The following DYNC2I2 variants were observed in gnomAD, a reference collection of about 807,000 sequenced individuals.
The protein encoded by DYNC2I2 is dynein 2 intermediate chain 2, also known as cytoplasmic dynein 2 intermediate chain 2.
DYNC2I2 carries 39 observed loss-of-function variants against 52.0 expected under a neutral mutation model. That is an observed-to-expected ratio of 0.75 (90% CI 0.58 to 0.98). The LOEUF (loss-of-function observed/expected upper bound fraction) is 0.98, where lower values mean the gene tolerates loss of function less well. Ranked by LOEUF, DYNC2I2 falls within the 50% of genes least tolerant of loss-of-function variation. The pLI is 0.00. For missense variants in DYNC2I2, 743 were observed against 728.4 expected (o/e 1.02, Z -0.23); for synonymous variants, 359 against 321.1 (o/e 1.12, Z -1.26).
chr9:128,635,111 C>A lies in DYNC2I2; in HGVS notation c.962G>T (p.Arg321Leu). Reference sequence around the variant, plus strand: ...ACGTACCTTCTTGAGCTTGGTGCTCCGTGGCAGCTGCTGCATGACCAGGGC... The same window carrying A: ...ACGTACCTTCTTGAGCTTGGTGCTCAGTGGCAGCTGCTGCATGACCAGGGC... ...GFALVMQQLPRSTKLKKHPRG... is the reference protein window; with the variant it reads ...GFALVMQQLPLSTKLKKHPRG... Residue 321 changes from arginine to leucine, a missense_variant, in exon 6 of 9, where the codon CGG becomes CTG. By Grantham distance (102) the Arg-to-Leu change is moderately radical. Transcript: ENST00000372715. 6.2e-7 allele frequency: 1 copy of A among 1,612,230 alleles called. No individual in the cohort carries two copies. The highest frequency in any genetic ancestry group is 8.5e-7 in the Non-Finnish European group (1 of 1,179,228).
intron 1 of DYNC2I2, among the ~76,000 whole-genome samples, chr9:128,642,000 C>A (rs1273746157): frequency 6.6e-6 from 1 of 151,930 alleles, no homozygotes; most frequent in Non-Finnish European, 1.5e-5. Context: ...CACACACACA[C>A]ACAAATGCCG....
chr9:128,683,996 C>A, the DYNC2I2 span: 1 of 1,551,704 alleles, frequency 6.4e-7, no homozygotes, highest in Non-Finnish European at 8.7e-7. Flanking sequence ...GCAGGCTTGC[C>A]GAAGAAGGGA....
chr9:128,645,669 G>T (rs1860603741), intron 1 of DYNC2I2, among the ~76,000 whole-genome samples: 1 of 150,706 alleles, frequency 6.6e-6, no homozygotes, highest in Non-Finnish European at 1.5e-5. Context: ...ATCCCTACAG[G>T]GGCCTCTAAA....
Position 128,640,753 on chromosome 9 carries a change from T to C in DYNC2I2, c.373A>G (p.Lys125Glu). Residue 125 changes from lysine to glutamate, a missense_variant, in exon 2 of 9, where the codon AAG (lysine) becomes GAG (glutamate). Lys to Glu is a moderately conservative substitution (Grantham distance 56, BLOSUM62 1). Transcript: ENST00000372715. ...TCAAACGCGTGGCTCTGCCAATTCT[T>C]GTTCAGCTCTCGGATGACCATGGCC... ...VEAMVIRELN[K>E]NWQSHAFDGF... 1 of 1,614,180 alleles carries C rather than the reference T, an allele frequency of 6.2e-7. No homozygotes were observed. The highest frequency in any genetic ancestry group is 8.5e-7 in the Non-Finnish European group (1 of 1,180,028).
the DYNC2I2 span, chr9:128,683,280 T>TTC: frequency 9.1e-4 from 17 of 18,638 alleles, no homozygotes; most frequent in Admixed American, 7.3e-3. Flanking sequence ...TTCTTTCTTC[T>TTC]TTTTTTTTTT....
intron 1 of DYNC2I2, among the ~76,000 whole-genome samples, chr9:128,655,402 T>C (rs1028012270): frequency 1.2e-4 from 15 of 127,932 alleles, no homozygotes; most frequent in Non-Finnish European, 2.2e-4. Context: ...TCCCAGCTAC[T>C]AGGGAGGCTG....
chr9:128,658,340 A>G (rs1252514749), upstream of DYNC2I2, among the ~76,000 whole-genome samples: 6 of 149,458 alleles, frequency 4.0e-5, no homozygotes, highest in Admixed American at 3.3e-4. Context: ...TAATTTTTGT[A>G]TTTTTAGTAG....
intron 1 of DYNC2I2, chr9:128,650,862 A>G (rs2132176289): frequency 1.7e-5 from 1 of 58,282 alleles, no homozygotes; most frequent in East Asian, 2.8e-4. Context: ...AAGAACAAAA[A>G]GTTAACTCAA....
chr9:128,637,599 A>C (rs1053634335), intron 2 of DYNC2I2, among the ~76,000 whole-genome samples: 1 of 152,022 alleles, frequency 6.6e-6, no homozygotes, highest in Non-Finnish European at 1.5e-5. Context: ...CGTGCCACCA[A>C]ACCTGGATAA....
the DYNC2I2 span, among the ~76,000 whole-genome samples, chr9:128,668,161 A>G: frequency 1.9e-3 from 287 of 151,710 alleles, 3 homozygotes; most frequent in South Asian, 0.015. Flanking sequence ...GGGTTTCATC[A>G]TGTTGGCCAG....
the DYNC2I2 span, among the ~76,000 whole-genome samples, chr9:128,670,763 AAAAAGAG>A: frequency 1.3e-5 from 2 of 150,790 alleles, no homozygotes; most frequent in Non-Finnish European, 2.9e-5. Flanking sequence ...AAAAAAAAAA[AAAAAGAG>A]AGAGAGAAAC....
At chr9:128,634,173 G>A (rs1860299955) in intron 8 of DYNC2I2, 53 bp downstream of exon 8, 2 of 1,605,516 alleles carry the variant, frequency 1.2e-6, no homozygotes, top group African/African-American at 2.7e-5. Context: ...GTACAAGCAG[G>A]GCCCAGACCA....
chr9:128,670,990 C>G, the DYNC2I2 span, among the ~76,000 whole-genome samples: 1 of 151,572 alleles, frequency 6.6e-6, no homozygotes, highest in Admixed American at 6.6e-5. Flanking sequence ...TCGCTTGAAC[C>G]TGGGAGGCAG....
chr9:128,634,733 G>C lies in DYNC2I2; in HGVS notation c.1170C>G (p.Pro390=), dbSNP rs1173916496. ...TCACAGAGTAGATGGGACCGCCGTGGGGGGAGAAGGTAAACTGTGCTGGGG... is the reference window on the plus strand; with the variant it reads ...TCACAGAGTAGATGGGACCGCCGTGCGGGGAGAAGGTAAACTGTGCTGGGG... ...LRAPAQFTFS[P]HGGPIYSVSC... The change falls in exon 7 of 9, where the codon CCC becomes CCG. Residue 390 remains proline, a synonymous_variant. Transcript: ENST00000372715. 6.3e-7 allele frequency: 1 copy of C among 1,596,834 alleles called. No individual in the cohort carries two copies. Among genetic ancestry groups the C allele is most frequent in the Non-Finnish European group, 8.5e-7 (1 of 1,172,394 alleles).
chr9:128,641,218 C>T (rs1178416860), intron 1 of DYNC2I2, among the ~76,000 whole-genome samples: 2 of 152,082 alleles, frequency 1.3e-5, no homozygotes, highest in Non-Finnish European at 2.9e-5. Context: ...AGACCCTGCC[C>T]CAAGACTTTT....
the DYNC2I2 span, among the ~76,000 whole-genome samples, chr9:128,672,379 A>T: frequency 6.6e-6 from 1 of 151,924 alleles, no homozygotes; most frequent in Non-Finnish European, 1.5e-5. Flanking sequence ...GTTTCAGTAG[A>T]AACGGGGTTT....
rs1363738868 is a variant in DYNC2I2 at position 128,648,144 on chromosome 9, C to T, written c.187-7205G>A. Among the ~76,000 whole-genome samples, 5 of 152,148 alleles carry T rather than the reference C, an allele frequency of 3.3e-5. 1 individual carries two copies. In the South Asian group the frequency reaches 8.3e-4, roughly 25 times the overall value. On this transcript the variant is annotated intron_variant, in intron 1 of 8. Coordinates refer to ENST00000372715, the MANE Select transcript of DYNC2I2 (RefSeq NM_052844.4). ...TGAACACTGGCCGGGCACAGTGGCT[C>T]GCACCTGTAACCTTAGCACTTTGGG...
chr9:128,671,690 C>A, the DYNC2I2 span, among the ~76,000 whole-genome samples: 1 of 151,416 alleles, frequency 6.6e-6, no homozygotes, highest in African/African-American at 2.4e-5. Flanking sequence ...CTTGCTCTGT[C>A]GCCCAGGCTG....
intron 1 of DYNC2I2, among the ~76,000 whole-genome samples, chr9:128,653,256 A>G (rs962834561): frequency 6.6e-6 from 1 of 150,888 alleles, no homozygotes; most frequent in South Asian, 2.1e-4. Context: ...TACCAAGAGT[A>G]GCCCAGGTGA....
Sources: allele counts gnomAD v4.1 joint callset (sites outside exome capture counted in the v4.1 genomes callset), GRCh38; gene constraint gnomAD v4.1.1; transcripts MANE v1.5; gene names NCBI Gene and HGNC (gene_info 2026-07-23, HGNC 2026-07-21).